Variants in MACROD2 observed in about 807,000 individuals in gnomAD.
MACROD2 encodes the protein mono-ADP ribosylhydrolase 2.
In MACROD2, 36 loss-of-function variants were observed where a neutral mutation model predicts 70.4. The ratio of observed to expected loss-of-function variants is 0.51; its 90% CI spans 0.39 to 0.68. MACROD2 has a LOEUF of 0.68. Among genes scored for constraint, MACROD2 ranks in the 30% least tolerant of loss-of-function variants. The pLI, the probability that MACROD2 is intolerant of heterozygous loss-of-function variation, is 0.00. For synonymous variants in MACROD2, 172 were observed against 178.8 expected, an observed-to-expected ratio of 0.96 and a Z score of 0.30; for missense variants, 496 against 538.4, an observed-to-expected ratio of 0.92 and a Z score of 0.78.
intron 5 of MACROD2, among the ~76,000 whole-genome samples, chr20:15,210,552 G>GTTTTTTTTTTTTTTTTTGTTTTTTTT (rs2076753968): frequency 1.6e-5 from 2 of 121,652 alleles, no homozygotes; most frequent in Non-Finnish European, 3.3e-5. Context: ...CTTTTCTTCT[G>GTTTTTTTTTTTTTTTTTGTTTTTTTT]TTTTTTTTTT....
rs192021209 is a variant in MACROD2 at position 15,050,932 on chromosome 20, A to T, written c.419-179008A>T. Among the ~76,000 whole-genome samples the T allele has an allele frequency of 6.9e-4, 105 of 152,260 alleles. 1 individual carries two copies. The highest frequency in any genetic ancestry group is 2.6e-4 in the Non-Finnish European group (18 of 68,018). ...TTGGAAGTTATTCTTTTATGGAAGG[A>T]TTTTATTATAAAATGTAAAATTATG... On this transcript the variant is annotated intron_variant, in intron 5 of 17. Coordinates refer to ENST00000684519, the MANE Select transcript of MACROD2 (RefSeq NM_001351661.2).
chr20:14,697,904 T>C (rs2123626580), intron 5 of MACROD2, among the ~76,000 whole-genome samples: 1 of 152,310 alleles, frequency 6.6e-6, no homozygotes, highest in East Asian at 1.9e-4. Flanking sequence ...GGCAAGGATT[T>C]TTACCCTGTT....
chr20:14,085,908 G>A (rs2054071053), intron 3 of MACROD2, among the ~76,000 whole-genome samples, 180 bp downstream of exon 3: 1 of 152,106 alleles, frequency 6.6e-6, no homozygotes, highest in Non-Finnish European at 1.5e-5. Flanking sequence ...TGCAATTAAT[G>A]TGCATCTACA....
chr20:15,578,698 A>T (rs2048483520), intron 8 of MACROD2, among the ~76,000 whole-genome samples: 1 of 24,954 alleles, frequency 4.0e-5, no homozygotes, highest in African/African-American at 5.1e-5. Flanking sequence ...TGTCGATAAT[A>T]TTATTTTCCT....
At chr20:15,547,549 A>G (rs569803417) in intron 8 of MACROD2, among the ~76,000 whole-genome samples, 2 of 152,324 alleles carry the variant, frequency 1.3e-5, no homozygotes, top group East Asian at 3.9e-4. Flanking sequence ...AATACCGCTC[A>G]TATTACCTTC....
chr20:14,332,013 A>G (rs905211080), intron 3 of MACROD2, among the ~76,000 whole-genome samples: 1 of 152,132 alleles, frequency 6.6e-6, no homozygotes, highest in Non-Finnish European at 1.5e-5. Context: ...CTTGGGAGGA[A>G]AACATAAATG....
intron 6 of MACROD2, among the ~76,000 whole-genome samples, chr20:15,314,001 A>C (rs1052070803): frequency 6.6e-6 from 1 of 152,168 alleles, no homozygotes; most frequent in Non-Finnish European, 1.5e-5. Context: ...TTAAGTTGGT[A>C]ATAATGGGTA....
At chr20:14,195,526 T>G (rs1422595800) in intron 3 of MACROD2, among the ~76,000 whole-genome samples, 1 of 152,032 alleles carries the variant, frequency 6.6e-6, no homozygotes, top group Non-Finnish European at 1.5e-5. Flanking sequence ...CCAAAACATT[T>G]CCTAAGACCA....
intron 5 of MACROD2, among the ~76,000 whole-genome samples, chr20:15,157,615 T>A (rs1396200181): frequency 1.3e-5 from 2 of 152,146 alleles, no homozygotes; most frequent in African/African-American, 4.8e-5. Flanking sequence ...TGTTGACTAA[T>A]AGCATTTAAG....
At chr20:14,607,879 A>G (rs1342493589) in intron 4 of MACROD2, among the ~76,000 whole-genome samples, 1 of 152,156 alleles carries the variant, frequency 6.6e-6, no homozygotes, top group East Asian at 1.9e-4. Flanking sequence ...AGGACTGGAG[A>G]AGAAAACAAA....
At chr20:15,318,357 G>A (rs1189504893) in intron 6 of MACROD2, among the ~76,000 whole-genome samples, 6 of 151,974 alleles carry the variant, frequency 3.9e-5, no homozygotes, top group African/African-American at 1.4e-4. Context: ...ACAAAGAAAA[G>A]CCTAAGACCA....
intron 8 of MACROD2, among the ~76,000 whole-genome samples, chr20:15,781,536 GCTT>G (rs2051831662): frequency 6.6e-6 from 1 of 152,156 alleles, no homozygotes; most frequent in Non-Finnish European, 1.5e-5. Context: ...TTTCAAGATG[GCTT>G]CTTCTTGCTG....
intron 2 of MACROD2, among the ~76,000 whole-genome samples, chr20:14,025,274 T>C (rs1243256329): frequency 1.3e-5 from 2 of 152,304 alleles, no homozygotes; most frequent in East Asian, 3.9e-4. Flanking sequence ...TTTATTTGTC[T>C]GGGTAGCGTT....
intron 4 of MACROD2, among the ~76,000 whole-genome samples, chr20:14,505,496 A>G (rs1287327804): frequency 7.9e-5 from 12 of 152,228 alleles, no homozygotes; most frequent in African/African-American, 9.6e-5. Context: ...TAAAACACCT[A>G]GAAAGTTCTT....
intron 8 of MACROD2, among the ~76,000 whole-genome samples, chr20:15,684,030 T>C (rs1329746406): frequency 6.6e-6 from 1 of 152,240 alleles, no homozygotes; most frequent in Non-Finnish European, 1.5e-5. Context: ...GAAGGAAATA[T>C]TAATTTGATG....
intron 6 of MACROD2, among the ~76,000 whole-genome samples, chr20:15,391,298 G>A (rs1487557807): frequency 6.6e-6 from 1 of 152,202 alleles, no homozygotes; most frequent in Non-Finnish European, 1.5e-5. Context: ...CTTTTAAAAA[G>A]CAAAATATTT....
chr20:14,234,222 G>A (rs1184832547), intron 3 of MACROD2, among the ~76,000 whole-genome samples: 6 of 151,898 alleles, frequency 4.0e-5, no homozygotes, highest in Non-Finnish European at 8.8e-5. Context: ...AAAAATAAAA[G>A]CAATAATAAA....
chr20:15,459,909 A>G (rs1278528392), intron 7 of MACROD2, among the ~76,000 whole-genome samples: 1 of 151,672 alleles, frequency 6.6e-6, no homozygotes, highest in Non-Finnish European at 1.5e-5. Context: ...ATGAGTTTCT[A>G]TCTCTAGCCA....
intron 5 of MACROD2, among the ~76,000 whole-genome samples, chr20:15,204,660 T>C (rs1056767932): frequency 5.3e-5 from 8 of 152,154 alleles, no homozygotes; most frequent in Non-Finnish European, 1.2e-4. Flanking sequence ...TAATTTGCCT[T>C]TGTAATAATT....
Sources: gnomAD v4.1 joint callset for allele counts (sites outside exome capture counted in the v4.1 genomes callset) on GRCh38, gnomAD v4.1.1 for gene constraint, MANE v1.5 for transcripts, NCBI Gene and HGNC (gene_info 2026-07-23, HGNC 2026-07-21) for gene names.